EXOC4: variants seen among roughly 807,000 people sequenced by gnomAD.
EXOC4 encodes the protein SEC8-like 1.
EXOC4 carries 71 observed loss-of-function variants against 107.2 expected under a neutral mutation model. That is an observed-to-expected ratio of 0.66 (90% CI 0.55 to 0.81). The LOEUF is 0.81. Ranked by LOEUF, EXOC4 falls within the 30% of genes least tolerant of loss-of-function variation. The pLI is 0.00. For synonymous variants in EXOC4, 456 were observed against 441.2 expected (o/e 1.03, Z -0.42); for missense variants, 1,108 against 1,189.6 (o/e 0.93, Z 1.01).
At chr7:134,061,479 G>A (rs1428812259) in intron 17 of EXOC4, among the ~76,000 whole-genome samples, 1 of 152,128 alleles carries the variant, frequency 6.6e-6, no homozygotes, top group Non-Finnish European at 1.5e-5. Context: ...TGGGGATGGG[G>A]CCTCAGGAAT....
chr7:133,288,966 A>G lies in EXOC4; in HGVS notation c.321A>G (p.Lys107=). ...CATGCAAGATGCTGCTGCACTGCAA[A>G]CGGGATGAGCTTCGGAAACTGTGGA... is the stretch of plus-strand genomic sequence containing the variant. ...LLSCKMLLHC[K]RDELRKLWIE... is the part of the protein sequence containing the mutation. The change falls in exon 3 of 18, where the codon AAA becomes AAG. Residue 107 remains lysine, a synonymous_variant. Transcript: ENST00000253861. 6.2e-7 allele frequency: 1 copy of G among 1,614,214 alleles called. No homozygotes were observed.
At chr7:133,326,259 C>T (rs1003002150) in intron 5 of EXOC4, among the ~76,000 whole-genome samples, 9 of 152,224 alleles carry the variant, frequency 5.9e-5, no homozygotes, top group Admixed American at 1.3e-4. Context: ...CGAGGAGCTG[C>T]GTTCCTTTGG....
At chr7:133,673,860 A>C (rs778863398) in intron 10 of EXOC4, among the ~76,000 whole-genome samples, 3 of 152,198 alleles carry the variant, frequency 2.0e-5, no homozygotes, top group Non-Finnish European at 4.4e-5. Flanking sequence ...CCAGCTCATA[A>C]TACTAAACAA....
At chr7:133,351,383 C>T (rs1044894360) in intron 5 of EXOC4, among the ~76,000 whole-genome samples, 1 of 151,824 alleles carries the variant, frequency 6.6e-6, no homozygotes. Context: ...AGTTATAGAT[C>T]TATTTGGATT....
intron 9 of EXOC4, among the ~76,000 whole-genome samples, chr7:133,543,515 T>G (rs2150933955): frequency 6.6e-6 from 1 of 152,254 alleles, no homozygotes; most frequent in South Asian, 2.1e-4. Flanking sequence ...TCATCCATCC[T>G]TCATACAACA....
rs1295373135 is a variant in EXOC4 at position 133,703,560 on chromosome 7, G to A, written c.1514+73419G>A. 2.6e-5 allele frequency among the ~76,000 whole-genome samples: 4 copies of A among 152,164 alleles called. No individual in the cohort carries two copies. In the South Asian group the frequency reaches 6.2e-4, roughly 24 times the overall value. ...ACTGGTACAAAATGTTTGTGAAACC[G>A]ATCAGAAGAGATATCCCTGGTGATA... On this transcript the variant is annotated intron_variant, in intron 10 of 17. Transcript: ENST00000253861.
intron 14 of EXOC4, among the ~76,000 whole-genome samples, chr7:133,953,627 GC>G (rs1800745452): frequency 6.6e-6 from 1 of 151,946 alleles, no homozygotes; most frequent in Non-Finnish European, 1.5e-5. Context: ...CTCCAGCCCA[GC>G]AACAGAGAAA....
intron 10 of EXOC4, among the ~76,000 whole-genome samples, chr7:133,722,375 C>G (rs1192557770): frequency 6.6e-6 from 1 of 152,176 alleles, no homozygotes. Context: ...AGAGTACAGT[C>G]TCTTTAAATG....
intron 11 of EXOC4, among the ~76,000 whole-genome samples, chr7:133,845,997 A>G (rs1397984306): frequency 1.3e-5 from 2 of 152,134 alleles, no homozygotes; most frequent in African/African-American, 4.8e-5. Flanking sequence ...TTCTGTAATA[A>G]CTGCCTTTTA....
intron 2 of EXOC4, among the ~76,000 whole-genome samples, chr7:133,277,461 C>G (rs1031368544): frequency 2.0e-5 from 3 of 152,178 alleles, no homozygotes; most frequent in Non-Finnish European, 4.4e-5. Flanking sequence ...CTTTGCTTCC[C>G]ATCATTCTGA....
At chr7:134,044,920 A>G (rs1368450897) in intron 17 of EXOC4, among the ~76,000 whole-genome samples, 2 of 152,192 alleles carry the variant, frequency 1.3e-5, no homozygotes, top group African/African-American at 4.8e-5. Context: ...TTTTCCTGGA[A>G]TGATGTGTGG....
At chr7:133,675,558 G>C (rs1337140876) in intron 10 of EXOC4, among the ~76,000 whole-genome samples, 1 of 152,172 alleles carries the variant, frequency 6.6e-6, no homozygotes, top group Non-Finnish European at 1.5e-5. Flanking sequence ...TTCTGTATCA[G>C]GGAAGAGTTG....
In EXOC4 at chr7:133,406,627, A is replaced by C. The variant is rs569888847; in HGVS notation, c.1182+31625A>C. Among the ~76,000 whole-genome samples the C allele has an allele frequency of 1.0e-3, 157 of 152,336 alleles. 5 individuals are homozygous for C. The South Asian group carries it at 0.031, about 30-fold the overall frequency. ...GGGTGAAATTCTTATAGCTAGAAGG[A>C]ACTTTAGAGAAAGAAATATATTATT... On this transcript the variant is annotated intron_variant, in intron 7 of 17. Coordinates refer to ENST00000253861, the MANE Select transcript of EXOC4 (RefSeq NM_021807.4).
chr7:133,465,346 G>T (rs1798702019), intron 7 of EXOC4, among the ~76,000 whole-genome samples: 1 of 152,102 alleles, frequency 6.6e-6, no homozygotes, highest in Non-Finnish European at 1.5e-5. Flanking sequence ...TTTTTTAAGA[G>T]TGAAAGTAGA....
At chr7:133,530,729 G>A (rs954518946) in intron 9 of EXOC4, among the ~76,000 whole-genome samples, 12 of 152,076 alleles carry the variant, frequency 7.9e-5, no homozygotes, top group African/African-American at 2.7e-4. Context: ...ACTCCTGTTC[G>A]GTATAAGTGG....
intron 9 of EXOC4, among the ~76,000 whole-genome samples, chr7:133,527,778 A>G (rs532267663): frequency 6.6e-6 from 1 of 152,330 alleles, no homozygotes; most frequent in South Asian, 2.1e-4. Context: ...GCCCTACAAA[A>G]CAGTCATCAG....
chr7:133,926,503 C>G (rs10263851), intron 13 of EXOC4, among the ~76,000 whole-genome samples: 1 of 152,000 alleles, frequency 6.6e-6, no homozygotes, highest in East Asian at 1.9e-4. Flanking sequence ...TATATTGTTA[C>G]AGGTTCTCTC....
intron 11 of EXOC4, among the ~76,000 whole-genome samples, chr7:133,871,724 G>C (rs944385288): frequency 5.9e-5 from 9 of 152,182 alleles, no homozygotes; most frequent in African/African-American, 1.7e-4. Flanking sequence ...TCTGGAGACA[G>C]ACTGACTGGC....
At chr7:133,941,656 C>G (rs113935244) in intron 14 of EXOC4, among the ~76,000 whole-genome samples, 2,449 of 152,252 alleles carry the variant, frequency 0.016, 87 homozygotes, top group African/African-American at 0.056. Context: ...TCCCCTCAGT[C>G]TTTCTGACAC....
Sources: allele counts gnomAD v4.1 joint callset (sites outside exome capture counted in the v4.1 genomes callset), GRCh38; gene constraint gnomAD v4.1.1; transcripts MANE v1.5; gene names NCBI Gene and HGNC (gene_info 2026-07-23, HGNC 2026-07-21).